UPRT: variants seen among roughly 807,000 people sequenced by gnomAD.
UPRT encodes uracil phosphoribosyltransferase homolog.
A neutral mutation model predicts 22.6 loss-of-function variants in UPRT; 5 were observed. The ratio of observed to expected loss-of-function variants is 0.22; its 90% confidence interval spans 0.12 to 0.47. UPRT has a LOEUF of 0.47. UPRT is among the 20% of genes least tolerant of loss of function. UPRT has a pLI of 0.99. For synonymous variants in UPRT, 77 were observed against 87.7 expected (o/e 0.88, Z 0.68); for missense variants, 181 against 239.9 (o/e 0.75, Z 1.62).
At chrX:75,201,136 C>T (rs2082346191) in intron 4 of UPRT, among the ~76,000 whole-genome samples, 1 of 112,288 alleles carries the variant, frequency 8.9e-6, no homozygotes, top group African/African-American at 3.2e-5. Context: ...TGACCTTTGT[C>T]TCCTGCAGTT....
rs754702307 is a variant in UPRT, at chrX:75,241,667, C to G, written c.-446-49357C>G. ...AATTTACAATTGCAAAAATGTGAAA[C>G]CAGAATAAATGCCCATCAACCAACG... On this transcript the variant is annotated intron_variant, in intron 4 of 13. Transcript: ENST00000652605. 3.6e-5 allele frequency among the ~76,000 whole-genome samples: 4 copies of G among 111,572 alleles called. No homozygotes were observed. The South Asian group carries it at 1.5e-3, about 42-fold the overall frequency.
At chrX:75,185,301 C>T (rs1296378521) in intron 4 of UPRT, among the ~76,000 whole-genome samples, 1 of 111,908 alleles carries the variant, frequency 8.9e-6, no homozygotes, top group Non-Finnish European at 1.9e-5. Context: ...GTCTTGGGTT[C>T]TGTGTATATG....
chrX:75,251,731 CA>C (rs2082530746), intron 4 of UPRT, among the ~76,000 whole-genome samples: 1 of 111,003 alleles, frequency 9.0e-6, no homozygotes, highest in Non-Finnish European at 1.9e-5. Context: ...CATATAGAAC[CA>C]AAAAAGAGCC....
At chrX:75,222,441 C>T (rs987870927) in intron 4 of UPRT, among the ~76,000 whole-genome samples, 1 of 112,000 alleles carries the variant, frequency 8.9e-6, no homozygotes, top group African/African-American at 3.2e-5. Context: ...TTCCCCTGGG[C>T]CCTGGGTATG....
chrX:75,180,273 T>C (rs942187119), intron 4 of UPRT, among the ~76,000 whole-genome samples: 1 of 112,294 alleles, frequency 8.9e-6, no homozygotes, highest in African/African-American at 3.2e-5. Flanking sequence ...CAGAAATGGC[T>C]TCCCTGGGGA....
chrX:75,191,035 TG>T (rs1057063353), intron 4 of UPRT, among the ~76,000 whole-genome samples: 14 of 112,222 alleles, frequency 1.2e-4, no homozygotes, highest in African/African-American at 4.2e-4. Context: ...TGTGTTCCTT[TG>T]GAGGGGGAGA....
intron 1 of UPRT, among the ~76,000 whole-genome samples, chrX:75,288,445 C>T (rs1221905113): frequency 6.3e-5 from 7 of 111,941 alleles, no homozygotes; most frequent in Admixed American, 2.8e-4. Flanking sequence ...AAAATACTAG[C>T]GAAACAAATT....
At chrX:75,193,013 G>T (rs1232554687) in intron 4 of UPRT, among the ~76,000 whole-genome samples, 1 of 111,939 alleles carries the variant, frequency 8.9e-6, no homozygotes, top group African/African-American at 3.2e-5. Flanking sequence ...TCATCATATT[G>T]TTAGCTGGTT....
At chrX:75,217,569 T>C (rs1388695129) in intron 4 of UPRT, among the ~76,000 whole-genome samples, 2 of 112,123 alleles carry the variant, frequency 1.8e-5, no homozygotes, top group Non-Finnish European at 3.8e-5. Context: ...TTGAAGCAAT[T>C]GTGAATGGGA....
intron 4 of UPRT, among the ~76,000 whole-genome samples, chrX:75,227,235 T>G (rs1372490919): frequency 1.8e-5 from 2 of 111,730 alleles, no homozygotes; most frequent in Admixed American, 1.9e-4. Flanking sequence ...CCTCCACATT[T>G]TATCAACTAT....
intron 4 of UPRT, among the ~76,000 whole-genome samples, chrX:75,189,466 G>T (rs2082307247): frequency 8.9e-6 from 1 of 111,981 alleles, no homozygotes; most frequent in South Asian, 3.7e-4. Context: ...CTGTTGATTT[G>T]GGGTGGAGAG....
At chrX:75,236,386 C>T (rs1485116460) in intron 4 of UPRT, among the ~76,000 whole-genome samples, 4 of 111,353 alleles carry the variant, frequency 3.6e-5, no homozygotes, top group Non-Finnish European at 7.5e-5. Flanking sequence ...AGGTAATTTA[C>T]AGATTCAATG....
intron 4 of UPRT, among the ~76,000 whole-genome samples, chrX:75,251,369 G>C (rs1336193554): frequency 9.0e-6 from 1 of 111,626 alleles, no homozygotes; most frequent in Non-Finnish European, 1.9e-5. Flanking sequence ...CAAAGTCTCA[G>C]GACACAAAAT....
At chrX:75,232,181 C>G (rs990696017) in intron 4 of UPRT, among the ~76,000 whole-genome samples, 1 of 112,128 alleles carries the variant, frequency 8.9e-6, no homozygotes, top group African/African-American at 3.2e-5. Flanking sequence ...GGGTGACAGA[C>G]GGCACCTGGA....
rs905094872 is a variant in UPRT at position 75,195,006 on chromosome X, C to G, written c.-447+27127C>G. Among the ~76,000 whole-genome samples, 6 of 110,260 alleles carry G rather than the reference C, an allele frequency of 5.4e-5. No homozygotes were observed. In the Admixed American group the frequency reaches 5.8e-4, roughly 11 times the overall value. On this transcript the variant is annotated intron_variant, in intron 4 of 13. Coordinates refer to the UPRT transcript ENST00000652605. ...GGTGCACTCACACTGGCAGCAGGGG[C>G]ATGGTAGGGTGCATGTGCACATGCA...
rs376269288 is a variant in UPRT at position 75,233,278 on chromosome X, A to G, written c.-446-57746A>G. On this transcript the variant is annotated intron_variant, in intron 4 of 13. Transcript: ENST00000652605. ...ATGAGCAAAGCCTCCAAGAAATATG[A>G]GACTATGTGAAAAGACCAAATCTAC... Among the ~76,000 whole-genome samples, 335 of 110,457 alleles carry G rather than the reference A, an allele frequency of 3.0e-3. 2 individuals are homozygous for G. Among genetic ancestry groups the G allele is most frequent in the African/African-American group, 0.01 (318 of 30,442 alleles).
At chrX:75,214,336 A>G (rs1010540601) in intron 4 of UPRT, among the ~76,000 whole-genome samples, 1 of 112,874 alleles carries the variant, frequency 8.9e-6, no homozygotes, top group African/African-American at 3.2e-5. Flanking sequence ...GAAAGAAGGA[A>G]ATCCTGCCAT....
upstream of UPRT, among the ~76,000 whole-genome samples, chrX:75,269,982 G>T (rs2082603070): frequency 9.0e-6 from 1 of 111,361 alleles, no homozygotes. Context: ...TACAGAATGG[G>T]AGAAAATTTT....
At chrX:75,264,411 A>T (rs1169026171) in intron 4 of UPRT, among the ~76,000 whole-genome samples, 2 of 111,613 alleles carry the variant, frequency 1.8e-5, no homozygotes, top group Non-Finnish European at 3.8e-5. Context: ...GTGCTCCTGT[A>T]TTGGGTGCAT....
Sources: gnomAD v4.1 joint callset for allele counts (sites outside exome capture counted in the v4.1 genomes callset) on GRCh38, gnomAD v4.1.1 for gene constraint, MANE v1.5 for transcripts, NCBI Gene and HGNC (gene_info 2026-07-23, HGNC 2026-07-21) for gene names.